The following KRT80 variants were observed in gnomAD, a reference collection of about 807,000 sequenced individuals.
The protein encoded by KRT80 is keratin 80.
Under a neutral mutation model 51.5 loss-of-function variants are expected in KRT80, and 36 were observed. The observed-to-expected ratio is 0.70, with a 90% CI of 0.54 to 0.92. KRT80 has a LOEUF of 0.92. Among genes scored for constraint, KRT80 ranks in the 40% least tolerant of loss-of-function variants. The pLI is 0.00. For synonymous variants in KRT80, 235 were observed against 248.3 expected, an observed-to-expected ratio of 0.95 and a Z score of 0.50; for missense variants, 566 against 591.7, an observed-to-expected ratio of 0.96 and a Z score of 0.45.
At chr12:52,171,759 C>T (rs543114672) in intron 7 of KRT80, 46 bp from the exon 8 acceptor site, 3 of 1,305,722 alleles carry the variant, frequency 2.3e-6, no homozygotes, top group East Asian at 2.5e-5. Flanking sequence ...TGATGGGATG[C>T]GAAGAGAGCC....
chr12:52,189,261 T>A lies in KRT80; in HGVS notation c.300+2342A>T, dbSNP rs113520257. On this transcript the variant is annotated intron_variant, in intron 1 of 8. Transcript: ENST00000394815. ...CTGCGCCGTACCTCCTGCCCATGAG[T>A]CCCTTCACTCCTCTATCCGGCAGGG... is the stretch of plus-strand genomic sequence containing the variant. Among the ~76,000 whole-genome samples, 1,475 of 152,002 alleles carry A rather than the reference T, an allele frequency of 9.7e-3. 24 individuals carry two copies. Among genetic ancestry groups the A allele is most frequent in the African/African-American group, 0.034 (1,424 of 41,444 alleles).
chr12:52,191,552 C>T (rs148566647), intron 1 of KRT80, 51 bp downstream of exon 1: 25 of 1,502,474 alleles, frequency 1.7e-5, no homozygotes, highest in African/African-American at 2.8e-5. Context: ...GCTCAGCTAC[C>T]GGCCCAGGCC....
intron 4 of KRT80, among the ~76,000 whole-genome samples, 175 bp downstream of exon 4, chr12:52,180,338 G>A (rs1368753736): frequency 6.6e-6 from 1 of 152,222 alleles, no homozygotes; most frequent in Non-Finnish European, 1.5e-5. Flanking sequence ...GGGTCATGCA[G>A]GGTTATTGAC....
At chr12:52,180,416 T>C in intron 4 of KRT80, 97 bp downstream of exon 4, 2 of 743,650 alleles carry the variant, frequency 2.7e-6, no homozygotes, top group Non-Finnish European at 4.0e-6. Context: ...CTGTTGGAGG[T>C]TCCATGCCCC....
At chr12:52,175,805 A>G (rs908329697) in intron 4 of KRT80, among the ~76,000 whole-genome samples, 4 of 152,158 alleles carry the variant, frequency 2.6e-5, no homozygotes, top group East Asian at 1.9e-4. Flanking sequence ...AACCCGTGTC[A>G]GAATAAGATT....
At chr12:52,184,045 G>T (rs1008968753) in intron 2 of KRT80, among the ~76,000 whole-genome samples, 8 of 152,162 alleles carry the variant, frequency 5.3e-5, no homozygotes, top group African/African-American at 1.9e-4. Context: ...TGTTTCCCTA[G>T]GCCTGGGAGG....
intron 1 of KRT80, among the ~76,000 whole-genome samples, chr12:52,190,738 T>C (rs1941467098): frequency 6.6e-6 from 1 of 152,216 alleles, no homozygotes; most frequent in South Asian, 2.1e-4. Flanking sequence ...AATTAACCAA[T>C]GGCAGCTGGC....
At chr12:52,172,733 C>T (rs1429937296) in intron 6 of KRT80, among the ~76,000 whole-genome samples, 1 of 152,176 alleles carries the variant, frequency 6.6e-6, no homozygotes, top group Non-Finnish European at 1.5e-5. Flanking sequence ...ACTCCCTCCT[C>T]TCTGTGTAGT....
intron 1 of KRT80, among the ~76,000 whole-genome samples, chr12:52,187,049 C>T (rs1029895380): frequency 6.6e-6 from 1 of 152,252 alleles, no homozygotes; most frequent in Middle Eastern, 3.2e-3. Context: ...CCACTTTCCC[C>T]ATCACACTGG....
At chr12:52,178,738 C>T (rs1237309770) in intron 4 of KRT80, among the ~76,000 whole-genome samples, 1 of 152,242 alleles carries the variant, frequency 6.6e-6, no homozygotes, top group African/African-American at 2.4e-5. Flanking sequence ...ATGCAATAAA[C>T]ATTTGTTAAA....
chr12:52,173,195 A>G (rs371100989), intron 5 of KRT80, 32 bp from the exon 6 acceptor site: 13 of 1,575,870 alleles, frequency 8.2e-6, no homozygotes, highest in Non-Finnish European at 1.1e-5. Flanking sequence ...AGTGAGGGGC[A>G]GCTCAGTGCC....
intron 2 of KRT80, among the ~76,000 whole-genome samples, chr12:52,181,668 A>G (rs983171664): frequency 6.6e-6 from 1 of 152,154 alleles, no homozygotes; most frequent in Non-Finnish European, 1.5e-5. Context: ...AAAGCTCAAT[A>G]ACGCTCTTCT....
chr12:52,171,459 A>G lies in KRT80; in HGVS notation c.1298T>C (p.Val433Ala). 1.2e-6 allele frequency: 2 copies of G among 1,612,962 alleles called. No homozygotes were observed. Among genetic ancestry groups the G allele is most frequent in the Non-Finnish European group, 1.7e-6 (2 of 1,179,532 alleles). ...CTCTGACATTTCGGTGATTTTGATC[A>G]CGGGGCCTTTGCTGCCCTTCTTCTT... is the stretch of plus-strand genomic sequence containing the variant. ...SRKKKGSKGP[V>A]IKITEMSEKY... Residue 433 changes from valine to alanine, a missense_variant, in exon 9 of 9, where the codon GTG (valine) becomes GCG (alanine). By Grantham distance (64) the Val-to-Ala change is moderately conservative. Transcript: ENST00000394815.
Position 52,173,583 on chromosome 12 carries a change from T to G in KRT80, c.831+17A>C. ...ACTGTCCAGGCTGCTTCTCGTGCCC[T>G]GTGTGGTCAGCCCCACCTGGCTCCG... On this transcript the variant is annotated intron_variant, in intron 5 of 8. Transcript: ENST00000394815. 1 of 1,611,134 alleles carries G rather than the reference T, an allele frequency of 6.2e-7. No individual in the cohort carries two copies. The highest frequency in any genetic ancestry group is 2.2e-5 in the East Asian group (1 of 44,878).
Position 52,173,720 on chromosome 12 carries a change from G to A in KRT80, c.711C>T (p.Thr237=), listed in dbSNP as rs754626980. The part of the protein sequence containing the change: ...LAAQVKDVSV[T]VGMDSRCHID... ...TGTGGCAGCGGCTGTCCATGCCGACGGTCACCGACACATCCTTCACCTGTG... is the reference window on the plus strand; with the variant it reads ...TGTGGCAGCGGCTGTCCATGCCGACAGTCACCGACACATCCTTCACCTGTG... Residue 237 remains threonine (T), a synonymous_variant, in exon 5 of 9, where the codon ACC becomes ACT. Coordinates refer to ENST00000394815, the MANE Select transcript of KRT80 (RefSeq NM_182507.3). 10 of 1,612,206 alleles carry A rather than the reference G, an allele frequency of 6.2e-6. No homozygotes were observed. Among genetic ancestry groups the A allele is most frequent in the South Asian group, 5.5e-5 (5 of 91,090 alleles).
chr12:52,190,160 G>A (rs1408278458), intron 1 of KRT80, among the ~76,000 whole-genome samples: 3 of 151,912 alleles, frequency 2.0e-5, no homozygotes, highest in African/African-American at 7.2e-5. Flanking sequence ...GGGTACCCAG[G>A]GGTACCCCAG....
chr12:52,171,623 AC>A, intron 8 of KRT80, 34 bp downstream of exon 8: 1 of 1,500,070 alleles, frequency 6.7e-7, no homozygotes, highest in Non-Finnish European at 9.0e-7. Flanking sequence ...CCTCACCCTC[AC>A]CCCACCATGG....
chr12:52,181,967 G>C (rs1400091999), intron 2 of KRT80, among the ~76,000 whole-genome samples: 1 of 152,224 alleles, frequency 6.6e-6, no homozygotes, highest in Non-Finnish European at 1.5e-5. Flanking sequence ...TCCCAGCAGG[G>C]CTGCGTCACT....
chr12:52,189,713 G>A (rs927156818), intron 1 of KRT80, among the ~76,000 whole-genome samples: 7 of 152,160 alleles, frequency 4.6e-5, no homozygotes, highest in South Asian at 2.1e-4. Context: ...GCCCCCAAAC[G>A]GCCAGTACCC....
Sources: allele counts gnomAD v4.1 joint callset (sites outside exome capture counted in the v4.1 genomes callset), GRCh38; gene constraint gnomAD v4.1.1; transcripts MANE v1.5; gene names NCBI Gene and HGNC (gene_info 2026-07-23, HGNC 2026-07-21).